The following ABI3BP variants were observed in gnomAD, a reference collection of about 807,000 sequenced individuals.
ABI3BP encodes the protein target of Nesh-SH3.
Under a neutral mutation model 268.6 loss-of-function variants are expected in ABI3BP, and 216 were observed. The observed-to-expected ratio is 0.80, with a 90% CI of 0.72 to 0.90. ABI3BP has a LOEUF of 0.90. Among genes scored for constraint, ABI3BP ranks in the 40% least tolerant of loss-of-function variants. ABI3BP has a pLI of 0.00. For missense variants in ABI3BP, 2,090 were observed against 2,182.4 expected, an observed-to-expected ratio of 0.96 and a Z score of 0.84; for synonymous variants, 730 against 730.0, an observed-to-expected ratio of 1.00 and a Z score of 0.00.
rs1017764186 is a variant in ABI3BP at position 100,907,255 on chromosome 3, A to T, written c.260-4569T>A. Reference sequence around the variant, plus strand: ...CAGCCTGTAATCCCAGCACTTTGGGAGGCCAAGGTAGGGAGATCACTTGAG... The same window carrying T: ...CAGCCTGTAATCCCAGCACTTTGGGTGGCCAAGGTAGGGAGATCACTTGAG... On this transcript the variant is annotated intron_variant, in intron 2 of 67. Transcript: ENST00000471714. Among the ~76,000 whole-genome samples the T allele has an allele frequency of 4.6e-5, 7 of 152,224 alleles. No homozygotes were observed. The East Asian group carries it at 1.3e-3, about 29-fold the overall frequency.
Position 100,749,870 on chromosome 3 carries a change from T to C in ABI3BP, c.*625A>G, listed in dbSNP as rs1439064329. Reference sequence around the variant, plus strand: ...GCTGAAATGAAATTTACTGATTCAATCTTTTTAAGAATTTGTGGATGTTTA... The same window carrying C: ...GCTGAAATGAAATTTACTGATTCAACCTTTTTAAGAATTTGTGGATGTTTA... On this transcript the variant is annotated 3_prime_UTR_variant, in exon 68 of 68. Transcript: ENST00000471714. The C allele has an allele frequency of 2.5e-6, 1 of 395,918 alleles. No homozygotes were observed. Among genetic ancestry groups the C allele is most frequent in the Non-Finnish European group, 4.4e-6 (1 of 224,792 alleles). The allele number at this position is 395,918 out of a possible 1,614,324, so 24.5% of individuals were successfully genotyped here. A position where few individuals can be genotyped will look rare whatever the true frequency, so the allele number is the denominator to read the frequency against.
chr3:100,934,441 A>G (rs939410727), intron 1 of ABI3BP, among the ~76,000 whole-genome samples: 12 of 151,596 alleles, frequency 7.9e-5, no homozygotes, highest in African/African-American at 2.9e-4. Context: ...CACAATAAAC[A>G]TATGTGTGTA....
intron 1 of ABI3BP, among the ~76,000 whole-genome samples, chr3:100,943,694 G>A (rs962460236): frequency 2.6e-5 from 4 of 152,080 alleles, no homozygotes; most frequent in South Asian, 4.1e-4. Context: ...CACTTAAAAT[G>A]TCTTGATGAT....
intron 62 of ABI3BP, 58 bp from the exon 63 acceptor site, chr3:100,766,007 C>A: frequency 7.6e-7 from 1 of 1,317,784 alleles, no homozygotes. Flanking sequence ...GACTTAATTG[C>A]TCCTGAAGCT....
rs1332985993 is a variant in ABI3BP, at chr3:100,829,679, C to T, written c.2459-15G>A. The T allele has an allele frequency of 6.5e-7, 1 of 1,529,108 alleles. No individual in the cohort carries two copies. Among genetic ancestry groups the T allele is most frequent in the Non-Finnish European group, 8.8e-7 (1 of 1,140,568 alleles). 94.7% of individuals were successfully genotyped at this position (1,529,108 alleles called of 1,614,324 possible). On this transcript the variant is annotated splice_polypyrimidine_tract_variant and intron_variant, in intron 32 of 67. Coordinates refer to ENST00000471714, the MANE Select transcript of ABI3BP (RefSeq NM_001375547.2). ...CACTTTGGGAGCTAAAGGAAGAAAA[C>T]TTCAGGTTAATACAGCGTGTTTGGT...
chr3:100,905,200 G>C (rs529221923), intron 2 of ABI3BP, among the ~76,000 whole-genome samples: 1 of 152,178 alleles, frequency 6.6e-6, no homozygotes, highest in East Asian at 1.9e-4. Flanking sequence ...TCATAGGTGG[G>C]AATTGAACAA....
chr3:100,863,918 G>T, intron 12 of ABI3BP, 84 bp downstream of exon 12: 2 of 1,007,626 alleles, frequency 2.0e-6, no homozygotes, highest in South Asian at 1.4e-5. Context: ...GTATAAATTA[G>T]CGTAATTAAT....
chr3:100,831,744 T>C (rs2098498411), intron 31 of ABI3BP, among the ~76,000 whole-genome samples: 1 of 152,196 alleles, frequency 6.6e-6, no homozygotes, highest in East Asian at 1.9e-4. Context: ...TGCTGGTTTC[T>C]AATTATCCTG....
chr3:100,960,642 A>G (rs1255499623), intron 1 of ABI3BP, among the ~76,000 whole-genome samples: 2 of 152,244 alleles, frequency 1.3e-5, no homozygotes, highest in African/African-American at 4.8e-5. Flanking sequence ...GGAGATATGA[A>G]GCAGAAAGGA....
intron 66 of ABI3BP, 84 bp downstream of exon 66, chr3:100,752,701 ACT>A (rs1170145049): frequency 6.9e-7 from 1 of 1,456,814 alleles, no homozygotes; most frequent in Non-Finnish European, 9.2e-7. Context: ...CGTGCCTGAA[ACT>A]CTTAAGAAAA....
chr3:100,907,175 C>G (rs1330094711), intron 2 of ABI3BP, among the ~76,000 whole-genome samples: 1 of 152,142 alleles, frequency 6.6e-6, no homozygotes, highest in African/African-American at 2.4e-5. Flanking sequence ...CATACCTAGT[C>G]TCAAAAGGTT....
intron 10 of ABI3BP, 96 bp downstream of exon 10, chr3:100,866,782 TC>T: frequency 1.0e-6 from 1 of 996,622 alleles, no homozygotes; most frequent in East Asian, 2.5e-5. Flanking sequence ...AAAATGTATT[TC>T]CTACTGGCTC....
At chr3:100,793,085 C>T (rs922645611) in intron 54 of ABI3BP, among the ~76,000 whole-genome samples, 3 of 151,700 alleles carry the variant, frequency 2.0e-5, no homozygotes, top group African/African-American at 7.3e-5. Flanking sequence ...CTAGTTGCCT[C>T]GATGTATTTA....
chr3:100,962,328 A>T (rs1292677135), intron 1 of ABI3BP, among the ~76,000 whole-genome samples: 1 of 151,888 alleles, frequency 6.6e-6, no homozygotes, highest in Non-Finnish European at 1.5e-5. Context: ...TTATCTAATT[A>T]CTCTGTCTAT....
At position 100,848,875 on chromosome 3, in the gene ABI3BP, G is replaced by A. The variant is rs774690912; in HGVS notation, c.1502C>T (p.Ala501Val). 4 of 1,612,446 alleles carry A rather than the reference G, an allele frequency of 2.5e-6. No individual in the cohort carries two copies. Among genetic ancestry groups the A allele is most frequent in the Admixed American group, 3.3e-5 (2 of 59,964 alleles). ...TSPEMQPTTPAPQQTTSIPST... is the reference protein window; with the variant it reads ...TSPEMQPTTPVPQQTTSIPST... Reference sequence around the variant, plus strand: ...AGGGATAGATGTAGTTTGCTGGGGAGCTGAAAGAAGATTTAATATAGCTTT... The same window carrying A: ...AGGGATAGATGTAGTTTGCTGGGGAACTGAAAGAAGATTTAATATAGCTTT... The change falls in exon 18 of 68, where the codon GCT becomes GTT. Residue 501 changes from alanine to valine, a missense_variant and splice_region_variant. Transcript: ENST00000471714.
At chr3:100,838,034 A>C (rs1267726790) in intron 26 of ABI3BP, among the ~76,000 whole-genome samples, 176 bp downstream of exon 26, 1 of 152,216 alleles carries the variant, frequency 6.6e-6, no homozygotes, top group Non-Finnish European at 1.5e-5. Flanking sequence ...AATTTCCTAC[A>C]TATTGACTTT....
intron 1 of ABI3BP, among the ~76,000 whole-genome samples, chr3:100,946,617 T>C (rs1330333915): frequency 2.0e-5 from 3 of 151,656 alleles, no homozygotes; most frequent in South Asian, 2.1e-4. Flanking sequence ...GGAGAAACCC[T>C]ATCTCTACTA....
chr3:100,941,122 T>C (rs1035071442), intron 1 of ABI3BP, among the ~76,000 whole-genome samples: 1 of 151,566 alleles, frequency 6.6e-6, no homozygotes, highest in African/African-American at 2.4e-5. Flanking sequence ...TGGGGGCTTT[T>C]TAAAAAAATC....
intron 2 of ABI3BP, chr3:100,911,539 T>C: frequency 1.7e-6 from 1 of 575,230 alleles, no homozygotes; most frequent in Non-Finnish European, 3.2e-6. Context: ...TAATGAAGCA[T>C]TACATATTTT....
Sources: gnomAD v4.1 joint callset for allele counts (sites outside exome capture counted in the v4.1 genomes callset) on GRCh38, gnomAD v4.1.1 for gene constraint, MANE v1.5 for transcripts, NCBI Gene and HGNC (gene_info 2026-07-23, HGNC 2026-07-21) for gene names.